The following ANK3 variants were observed in gnomAD, a reference collection of about 807,000 sequenced individuals.
The protein encoded by ANK3 is ankyrin-3.
A neutral mutation model predicts 370.9 loss-of-function variants in ANK3; 57 were observed. The ratio of observed to expected loss-of-function variants is 0.15; its 90% CI spans 0.12 to 0.19. The LOEUF (loss-of-function observed/expected upper bound fraction) is 0.19, where lower values mean the gene tolerates loss of function less well. Among genes scored for constraint, ANK3 ranks in the 10% least tolerant of loss-of-function variants. The pLI is 1.00. For synonymous variants in ANK3, 1,929 were observed against 1,946.3 expected, an observed-to-expected ratio of 0.99 and a Z score of 0.23; for missense variants, 4,439 against 5,302.1, an observed-to-expected ratio of 0.84 and a Z score of 5.06.
chr10:60,549,244 T>C (rs2077038533), intron 2 of ANK3, among the ~76,000 whole-genome samples: 1 of 152,008 alleles, frequency 6.6e-6, no homozygotes, highest in Non-Finnish European at 1.5e-5. Context: ...ACACCATGAG[T>C]TTAAAATATT....
At chr10:60,223,840 A>G (rs1314294981) in intron 8 of ANK3, among the ~76,000 whole-genome samples, 1 of 152,118 alleles carries the variant, frequency 6.6e-6, no homozygotes, top group South Asian at 2.1e-4. Context: ...TCCTTTTTCT[A>G]CTCAGAATAC....
intron 1 of ANK3, among the ~76,000 whole-genome samples, chr10:60,378,642 T>C (rs933943366): frequency 1.3e-5 from 2 of 152,046 alleles, no homozygotes; most frequent in Non-Finnish European, 2.9e-5. Context: ...TGTACATCCA[T>C]ATGCAAAAGA....
intron 5 of ANK3, among the ~76,000 whole-genome samples, chr10:60,266,929 C>T (rs138810765): frequency 4.7e-4 from 72 of 152,068 alleles, no homozygotes; most frequent in African/African-American, 1.6e-3. Flanking sequence ...ATGGAATAAA[C>T]GAACAAACAA....
At chr10:60,090,020 T>C (rs751082919) in intron 28 of ANK3, among the ~76,000 whole-genome samples, 2 of 152,120 alleles carry the variant, frequency 1.3e-5, no homozygotes, top group Non-Finnish European at 2.9e-5. Context: ...AGGAGACAAC[T>C]ATTTTTAAAA....
chr10:60,469,386 CCACTTTTAGTGTAT>C (rs2065127569), intron 2 of ANK3, among the ~76,000 whole-genome samples: 1 of 9,624 alleles, frequency 1.0e-4, no homozygotes, highest in Admixed American at 1.0e-3. Flanking sequence ...TATATATATA[CCACTTTTAGTGTAT>C]ATATATATGG....
chr10:60,582,689 T>A (rs956816733), intron 2 of ANK3, among the ~76,000 whole-genome samples: 4 of 150,064 alleles, frequency 2.7e-5, no homozygotes, highest in Non-Finnish European at 4.4e-5. Flanking sequence ...ATAAATATAT[T>A]GATTCCTTCT....
At chr10:60,450,338 G>T (rs372984875) in intron 2 of ANK3, among the ~76,000 whole-genome samples, 1 of 152,018 alleles carries the variant, frequency 6.6e-6, no homozygotes, top group South Asian at 2.1e-4. Flanking sequence ...TCTGATTTGC[G>T]GTGTTTGCCA....
At chr10:60,385,454 G>C (rs1335344982) in intron 1 of ANK3, among the ~76,000 whole-genome samples, 1 of 151,784 alleles carries the variant, frequency 6.6e-6, no homozygotes, top group Non-Finnish European at 1.5e-5. Context: ...CTCCTTCCCT[G>C]CCTCTTCTGG....
chr10:60,618,284 T>C (rs2078290844), intron 1 of ANK3, among the ~76,000 whole-genome samples: 1 of 152,178 alleles, frequency 6.6e-6, no homozygotes, highest in South Asian at 2.1e-4. Context: ...AGAATTGTTG[T>C]TTAGACCTTA....
chr10:60,116,489 T>C (rs1260384305), intron 25 of ANK3, among the ~76,000 whole-genome samples: 3 of 151,826 alleles, frequency 2.0e-5, no homozygotes, highest in Admixed American at 6.5e-5. Context: ...GGAAAGCAAA[T>C]TGCAGGAAAC....
At chr10:60,606,976 G>C (rs138488112) in intron 2 of ANK3, among the ~76,000 whole-genome samples, 57 of 152,296 alleles carry the variant, frequency 3.7e-4, no homozygotes, top group African/African-American at 1.3e-3. Flanking sequence ...TGCATATTGA[G>C]TTCAAGTCTT....
Position 60,195,183 on chromosome 10 carries a change from C to G in ANK3, c.1887+962G>C, listed in dbSNP as rs182881401. On this transcript the variant is annotated intron_variant, in intron 16 of 43. Transcript: ENST00000280772. ...TGGGTGGATCACAAGGTCAGGAGATCGAGACCATCCTGGCTACGGTGAAAC... is the reference window on the plus strand; with the variant it reads ...TGGGTGGATCACAAGGTCAGGAGATGGAGACCATCCTGGCTACGGTGAAAC... 1.6e-3 allele frequency among the ~76,000 whole-genome samples: 192 copies of G among 122,544 alleles called. 3 individuals are homozygous for G. In the East Asian group the frequency reaches 0.034, roughly 22 times the overall value. 80.4% of individuals were successfully genotyped at this position (122,544 alleles called of 152,430 possible).
chr10:60,127,199 G>T (rs4948253), intron 25 of ANK3, among the ~76,000 whole-genome samples: 42,352 of 152,052 alleles, frequency 0.28, 7,282 homozygotes, highest in Non-Finnish European at 0.37. Context: ...TCACTAGATG[G>T]GCTCAGATTT....
chr10:60,279,373 T>C (rs1339563279), intron 2 of ANK3, among the ~76,000 whole-genome samples, 165 bp downstream of exon 2: 1 of 152,224 alleles, frequency 6.6e-6, no homozygotes, highest in Non-Finnish European at 1.5e-5. Flanking sequence ...TTAAGGGACA[T>C]ATGCTGACAT....
intron 14 of ANK3, 34 bp downstream of exon 14, chr10:60,198,306 G>T: frequency 6.2e-7 from 1 of 1,605,330 alleles, no homozygotes; most frequent in Non-Finnish European, 8.5e-7. Context: ...GTATTTGGGG[G>T]GACAGAGCAG....
intron 28 of ANK3, among the ~76,000 whole-genome samples, chr10:60,094,586 A>T (rs2089652641): frequency 6.6e-6 from 1 of 152,240 alleles, no homozygotes; most frequent in Non-Finnish European, 1.5e-5. Flanking sequence ...GAAAAATACA[A>T]AAATATACAA....
In ANK3 at chr10:60,415,921, CCA is replaced by C. The variant is rs1491061006; in HGVS notation, c.97-136284_97-136283del. Among the ~76,000 whole-genome samples the C allele has an allele frequency of 2.7e-3, 297 of 112,026 alleles. 23 individuals are homozygous for C. Among genetic ancestry groups the C allele is most frequent in the African/African-American group, 9.5e-3 (272 of 28,498 alleles). The allele number at this position is 112,026 out of a possible 152,430, so 73.5% of individuals were successfully genotyped here. ...ATTGTATGGTCTGAATTTGTGCCCCCCACCCCCCCGCCATTCATGTGTTGACA... is the reference window on the plus strand; with the variant it reads ...ATTGTATGGTCTGAATTTGTGCCCCCCCCCCCCGCCATTCATGTGTTGACA... On this transcript the variant is annotated intron_variant, in intron 2 of 43. Coordinates refer to the ANK3 transcript ENST00000373827.
At chr10:60,228,481 G>A (rs2097196351) in intron 8 of ANK3, among the ~76,000 whole-genome samples, 1 of 147,042 alleles carries the variant, frequency 6.8e-6, no homozygotes, top group Admixed American at 6.9e-5. Flanking sequence ...GCAGTGAGCT[G>A]AGATTGCGCC....
At chr10:60,472,217 C>A (rs1183894565) in intron 2 of ANK3, among the ~76,000 whole-genome samples, 1 of 152,124 alleles carries the variant, frequency 6.6e-6, no homozygotes, top group Admixed American at 6.6e-5. Context: ...CCACTGCAAT[C>A]CTCTTTGCAA....
Sources: gnomAD v4.1 joint callset for allele counts (sites outside exome capture counted in the v4.1 genomes callset) on GRCh38, gnomAD v4.1.1 for gene constraint, MANE v1.5 for transcripts, NCBI Gene and HGNC (gene_info 2026-07-23, HGNC 2026-07-21) for gene names.